The following C7orf33 variants were observed in gnomAD, a reference collection of about 807,000 sequenced individuals.
C7orf33 encodes chromosome 7 open reading frame 33.
C7orf33 carries 15 observed loss-of-function variants against 13.4 expected under a neutral mutation model. The observed-to-expected ratio is 1.12, with a 90% confidence interval of 0.75 to 1.72. C7orf33 has a LOEUF of 1.72. Ranked by LOEUF, C7orf33 falls within the 40% of genes most tolerant of loss-of-function variation. C7orf33 has a pLI of 0.00. For synonymous variants in C7orf33, 73 were observed against 83.2 expected, an observed-to-expected ratio of 0.88 and a Z score of 0.67; for missense variants, 187 against 220.3, an observed-to-expected ratio of 0.85 and a Z score of 0.96.
chr7:148,602,538 C>T (rs1796428478), intron 1 of C7orf33, among the ~76,000 whole-genome samples: 1 of 152,092 alleles, frequency 6.6e-6, no homozygotes, highest in South Asian at 2.1e-4. Context: ...GTGGAGGTTA[C>T]AATGAGCCAA....
chr7:148,597,734 G>GTTT lies in C7orf33; in HGVS notation c.204+6607_204+6609dup, dbSNP rs750943601. Among the ~76,000 whole-genome samples the GTTT allele has an allele frequency of 6.2e-5, 7 of 113,620 alleles. No homozygotes were observed. The East Asian group carries it at 1.9e-3, about 31-fold the overall frequency. 74.5% of individuals were successfully genotyped at this position (113,620 alleles called of 152,430 possible). On this transcript the variant is annotated intron_variant, in intron 1 of 2. Transcript: ENST00000307003. ...TGGATCATTCCCTTCCTCTGCATTT[G>GTTT]TTTTGTTTTGTTTTGTTTTGTTTTG...
intron 1 of C7orf33, among the ~76,000 whole-genome samples, chr7:148,599,417 A>G (rs1035274466): frequency 3.3e-5 from 5 of 152,134 alleles, no homozygotes; most frequent in Admixed American, 1.3e-4. Context: ...TACCTTGACA[A>G]AAATGCTTTT....
At position 148,591,097 on chromosome 7, in the gene C7orf33, T is replaced by C. The variant is rs2116884586; in HGVS notation, c.172T>C (p.Phe58Leu). 1.2e-6 allele frequency: 2 copies of C among 1,613,476 alleles called. No individual in the cohort carries two copies. Among genetic ancestry groups the C allele is most frequent in the Non-Finnish European group, 1.7e-6 (2 of 1,179,870 alleles). ...WVHVRGGPGQFNLSYATGRHK... is the reference protein window; with the variant it reads ...WVHVRGGPGQLNLSYATGRHK... The stretch of plus-strand genomic sequence containing the variant: ...CCACGTTAGGGGCGGTCCAGGTCAA[T>C]TTAACTTGTCATATGCCACGGGAAG... The change falls in exon 1 of 3, where the codon TTT becomes CTT. Residue 58 changes from phenylalanine to leucine, a missense_variant. Transcript: ENST00000307003.
intron 1 of C7orf33, among the ~76,000 whole-genome samples, chr7:148,593,992 G>T (rs751066484): frequency 3.3e-5 from 5 of 151,722 alleles, no homozygotes; most frequent in Admixed American, 6.6e-5. Context: ...ACAAGATCGG[G>T]TTGTTTAAGT....
chr7:148,598,369 C>T (rs1306844353), intron 1 of C7orf33, among the ~76,000 whole-genome samples: 1 of 151,954 alleles, frequency 6.6e-6, no homozygotes, highest in Non-Finnish European at 1.5e-5. Flanking sequence ...AGATTACAAA[C>T]AATATTAACA....
chr7:148,595,852 T>C (rs1796333710), intron 1 of C7orf33, among the ~76,000 whole-genome samples: 1 of 150,188 alleles, frequency 6.7e-6, no homozygotes. Flanking sequence ...TAAAGCTGAT[T>C]GGACTTCATT....
intron 1 of C7orf33, among the ~76,000 whole-genome samples, chr7:148,597,916 C>T (rs529930571): frequency 5.3e-5 from 8 of 152,144 alleles, no homozygotes; most frequent in Non-Finnish European, 5.9e-5. Context: ...CCACCATGCC[C>T]GGCTAATTTT....
At chr7:148,594,164 CTCTTT>C in intron 1 of C7orf33, among the ~76,000 whole-genome samples, 1 of 150,344 alleles carries the variant, frequency 6.7e-6, no homozygotes, top group African/African-American at 2.5e-5. Context: ...CCAATTAAAC[CTCTTT>C]TCTTTTTTTT....
chr7:148,602,311 A>C (rs1204245088), intron 1 of C7orf33, among the ~76,000 whole-genome samples: 1 of 152,108 alleles, frequency 6.6e-6, no homozygotes, highest in Non-Finnish European at 1.5e-5. Flanking sequence ...ATAATAAGTT[A>C]AGGGTGGGTC....
intron 1 of C7orf33, among the ~76,000 whole-genome samples, chr7:148,604,766 A>G (rs978399203): frequency 6.6e-6 from 1 of 152,238 alleles, no homozygotes; most frequent in Non-Finnish European, 1.5e-5. Flanking sequence ...GGCAACCTCC[A>G]TAGGAAGTTA....
chr7:148,610,419 C>T (rs735788), intron 1 of C7orf33, among the ~76,000 whole-genome samples: 81,022 of 151,814 alleles, frequency 0.53, 21,752 homozygotes, highest in East Asian at 0.57. Flanking sequence ...CCTCTTTCTC[C>T]CGTGCTCGAT....
At chr7:148,605,598 G>C (rs928100107) in intron 1 of C7orf33, among the ~76,000 whole-genome samples, 5 of 152,196 alleles carry the variant, frequency 3.3e-5, no homozygotes, top group African/African-American at 4.8e-5. Context: ...GCAGTTTGCA[G>C]TTTTTCTAGC....
At chr7:148,612,766 T>C (rs1181984255) in intron 1 of C7orf33, among the ~76,000 whole-genome samples, 1 of 151,900 alleles carries the variant, frequency 6.6e-6, no homozygotes, top group East Asian at 1.9e-4. Flanking sequence ...TGTGGAGAAA[T>C]TGACACCCTC....
At chr7:148,595,738 T>G (rs544525654) in intron 1 of C7orf33, among the ~76,000 whole-genome samples, 1 of 141,658 alleles carries the variant, frequency 7.1e-6, no homozygotes, top group Admixed American at 7.4e-5. Flanking sequence ...TACATCTATG[T>G]TATATAGATA....
chr7:148,615,327 G>A lies in C7orf33; in HGVS notation c.460G>A (p.Val154Ile), dbSNP rs141656152. The A allele has an allele frequency of 1.9e-6, 3 of 1,605,280 alleles. No individual in the cohort carries two copies. The highest frequency in any genetic ancestry group is 2.2e-5 in the South Asian group (2 of 90,908). ...GRTVTSSYLNVRGHEVRKLQN... is the reference protein window; with the variant it reads ...GRTVTSSYLNIRGHEVRKLQN... ...AGAAGTCTTCGTAATCCACATGTAG[G>A]TACGTGGGCATGAAGTAAGAAAGCT... is the stretch of plus-strand genomic sequence containing the variant. The change falls in exon 3 of 3, where the codon GTA (valine) becomes ATA (isoleucine). Residue 154 changes from valine (V) to isoleucine (I), a missense_variant and splice_region_variant. Transcript: ENST00000307003.
Position 148,591,140 on chromosome 7 carries a change from G to A in C7orf33, c.204+11G>A, listed in dbSNP as rs752110032. ...ACGGGAAGACATAAGGTAAGTTAAT[G>A]ATTCTAAGATGAATCAACTGCTCTT... On this transcript the variant is annotated intron_variant, in intron 1 of 2. Coordinates refer to ENST00000307003, the MANE Select transcript of C7orf33 (RefSeq NM_145304.4). 6.3e-7 allele frequency: 1 copy of A among 1,599,610 alleles called. No homozygotes were observed. The highest frequency in any genetic ancestry group is 8.6e-7 in the Non-Finnish European group (1 of 1,167,438).
chr7:148,594,170 T>C (rs908731726), intron 1 of C7orf33, among the ~76,000 whole-genome samples: 4 of 148,312 alleles, frequency 2.7e-5, no homozygotes, highest in Admixed American at 1.4e-4. Flanking sequence ...AAACCTCTTT[T>C]CTTTTTTTTT....
chr7:148,596,731 G>A (rs1194894832), intron 1 of C7orf33, among the ~76,000 whole-genome samples: 8 of 152,036 alleles, frequency 5.3e-5, no homozygotes, highest in Admixed American at 5.2e-4. Flanking sequence ...TTTGAGATTT[G>A]GGTGGGGACA....
chr7:148,596,346 C>A (rs1796338475), intron 1 of C7orf33, among the ~76,000 whole-genome samples: 1 of 152,160 alleles, frequency 6.6e-6, no homozygotes, highest in African/African-American at 2.4e-5. Flanking sequence ...TGGGTTTGGA[C>A]AAATACATAA....
Sources: gnomAD v4.1 joint callset for allele counts (sites outside exome capture counted in the v4.1 genomes callset) on GRCh38, gnomAD v4.1.1 for gene constraint, MANE v1.5 for transcripts, NCBI Gene and HGNC (gene_info 2026-07-23, HGNC 2026-07-21) for gene names.